Variants in DNAH9 observed in about 807,000 individuals in gnomAD.
DNAH9 encodes DNAH9 variant protein.
A neutral mutation model predicts 471.6 loss-of-function variants in DNAH9; 345 were observed. That is an observed-to-expected ratio of 0.73 (90% confidence interval 0.67 to 0.80). DNAH9 has a LOEUF of 0.80. Ranked by LOEUF, DNAH9 falls within the 30% of genes least tolerant of loss-of-function variation. The probability of loss-of-function intolerance (pLI) is 0.00; values close to 1 mark genes in which losing one functional copy is unlikely to be tolerated. For synonymous variants in DNAH9, 2,093 were observed against 2,123.6 expected (o/e 0.99, Z 0.40); for missense variants, 5,407 against 5,609.2 (o/e 0.96, Z 1.15).
intron 48 of DNAH9, among the ~76,000 whole-genome samples, chr17:11,828,814 C>A (rs1357435858): frequency 6.6e-6 from 1 of 152,186 alleles, no homozygotes; most frequent in East Asian, 1.9e-4. Flanking sequence ...GTTATGCATT[C>A]CCTTCTCTCT....
chr17:11,699,657 A>C, intron 22 of DNAH9, 74 bp from the exon 23 acceptor site: 5 of 1,310,762 alleles, frequency 3.8e-6, no homozygotes, highest in Non-Finnish European at 5.5e-6. Flanking sequence ...GCCACATGGT[A>C]GGCCTCTAAA....
intron 18 of DNAH9, among the ~76,000 whole-genome samples, chr17:11,680,426 T>C (rs956488186): frequency 2.0e-5 from 3 of 152,080 alleles, no homozygotes; most frequent in Admixed American, 1.3e-4. Context: ...TTAAGAAAAA[T>C]CTAAAAGTCT....
chr17:11,962,361 C>A lies in DNAH9; in HGVS notation c.13233+105C>A. The stretch of plus-strand genomic sequence containing the variant: ...AAAAGAGATATTCCTGAATCTTTTT[C>A]TCTAGCTAACCTTCTTTCCTTGAGG... On this transcript the variant is annotated intron_variant, in intron 68 of 68. Coordinates refer to ENST00000262442, the MANE Select transcript of DNAH9 (RefSeq NM_001372.4). The surrounding 1 kb of genome is among the most constrained non-coding windows in gnomAD (Gnocchi z 4.1). The A allele has an allele frequency of 6.9e-7, 1 of 1,448,364 alleles. No individual in the cohort carries two copies. The allele number at this position is 1,448,364 out of a possible 1,614,324, so 89.7% of individuals were successfully genotyped here. A position where few individuals can be genotyped will look rare whatever the true frequency, so the allele number is the denominator to read the frequency against.
At position 11,661,338 on chromosome 17, in the gene DNAH9, T is replaced by G. The variant is rs77073702; in HGVS notation, c.2596-3495T>G. Among the ~76,000 whole-genome samples the G allele has an allele frequency of 1.1e-4, 17 of 152,240 alleles. No homozygotes were observed. In the East Asian group the frequency reaches 3.1e-3, roughly 28 times the overall value. On this transcript the variant is annotated intron_variant, in intron 14 of 68. Transcript: ENST00000262442. The stretch of plus-strand genomic sequence containing the variant: ...CTTGGATTGAAATTTCTTGTCTTAA[T>G]AGTCGGCATATAATACAAATTTATT...
intron 19 of DNAH9, among the ~76,000 whole-genome samples, chr17:11,685,245 CA>C (rs1454155356): frequency 1.3e-5 from 2 of 151,826 alleles, no homozygotes; most frequent in Non-Finnish European, 1.5e-5. Context: ...AGAGCTGTTT[CA>C]GGGGGAAAAA....
Position 11,881,418 on chromosome 17 carries a change from G to A in DNAH9, c.10806+5G>A. 1 of 1,606,326 alleles carries A rather than the reference G, an allele frequency of 6.2e-7. No homozygotes were observed. On this transcript the variant is annotated splice_donor_5th_base_variant and intron_variant, in intron 55 of 68. Transcript: ENST00000262442. ...CCAGACTTGGAGCAGCTGAAGGTGA[G>A]GACAGAAGGGAGAAAATGTTCTGCC...
intron 67 of DNAH9, among the ~76,000 whole-genome samples, chr17:11,945,548 A>G (rs1343301622): frequency 1.3e-5 from 2 of 151,902 alleles, no homozygotes; most frequent in African/African-American, 4.8e-5. Flanking sequence ...AAAAAAAAAA[A>G]AAAAATCACT....
intron 33 of DNAH9, among the ~76,000 whole-genome samples, chr17:11,754,780 G>A (rs1183585694): frequency 6.6e-6 from 1 of 152,052 alleles, no homozygotes; most frequent in Non-Finnish European, 1.5e-5. Flanking sequence ...TCTTTAGGTT[G>A]TCTGTTCACT....
chr17:11,861,399 C>T (rs1242705520), intron 50 of DNAH9, among the ~76,000 whole-genome samples: 3 of 151,372 alleles, frequency 2.0e-5, no homozygotes, highest in African/African-American at 7.3e-5. Flanking sequence ...GTATATGTGC[C>T]ACATTTTCTT....
chr17:11,890,681 G>T (rs776183705), intron 57 of DNAH9, among the ~76,000 whole-genome samples: 1 of 151,868 alleles, frequency 6.6e-6, no homozygotes, highest in African/African-American at 2.4e-5. Context: ...TGTTGTTTTT[G>T]TTGTTGTTGT....
intron 39 of DNAH9, among the ~76,000 whole-genome samples, chr17:11,781,721 A>G (rs1968672219): frequency 6.6e-6 from 1 of 151,634 alleles, no homozygotes; most frequent in South Asian, 2.1e-4. Context: ...AGTCCCAGCT[A>G]CTCGGGAGGC....
rs956962877 is a variant in DNAH9, at chr17:11,644,794, C to T, written c.1970+95C>T. On this transcript the variant is annotated intron_variant, in intron 11 of 68. Coordinates refer to ENST00000262442, the MANE Select transcript of DNAH9 (RefSeq NM_001372.4). Reference sequence around the variant, plus strand: ...GTTTGTGCAGATTCCTCAGTGGCTCCGAAGTATCACTCTATGTTTTATGTT... The same window carrying T: ...GTTTGTGCAGATTCCTCAGTGGCTCTGAAGTATCACTCTATGTTTTATGTT... The T allele has an allele frequency of 7.4e-5, 61 of 825,340 alleles. No homozygotes were observed. The African/African-American group carries it at 8.5e-4, about 11-fold the overall frequency. The allele number at this position is 825,340 out of a possible 1,614,324, so 51.1% of individuals were successfully genotyped here.
chr17:11,825,359 AC>A (rs1358184537), intron 48 of DNAH9, among the ~76,000 whole-genome samples: 1 of 151,896 alleles, frequency 6.6e-6, no homozygotes, highest in East Asian at 1.9e-4. Context: ...AACATTTTCC[AC>A]CAGCCCTGTT....
chr17:11,617,967 T>C (rs1474700117), intron 5 of DNAH9, among the ~76,000 whole-genome samples: 1 of 152,136 alleles, frequency 6.6e-6, no homozygotes, highest in Non-Finnish European at 1.5e-5. Context: ...TGATGTCAGG[T>C]AGAGTCAGGC....
intron 38 of DNAH9, among the ~76,000 whole-genome samples, chr17:11,775,271 T>G (rs1968374358): frequency 6.6e-6 from 1 of 152,122 alleles, no homozygotes; most frequent in Non-Finnish European, 1.5e-5. Flanking sequence ...CAGCATACAA[T>G]AAGTGCTTTG....
chr17:11,880,243 T>C, intron 54 of DNAH9, 43 bp downstream of exon 54: 1 of 1,606,248 alleles, frequency 6.2e-7, no homozygotes, highest in Non-Finnish European at 8.5e-7. Context: ...GGGAGCTGGT[T>C]CATGGCCCTG....
chr17:11,738,260 T>G (rs1448263003), intron 28 of DNAH9, among the ~76,000 whole-genome samples: 1 of 152,198 alleles, frequency 6.6e-6, no homozygotes, highest in Non-Finnish European at 1.5e-5. Flanking sequence ...TGGTCAGCCC[T>G]AATACACTTC....
At chr17:11,761,276 C>T (rs1201299617) in intron 35 of DNAH9, among the ~76,000 whole-genome samples, 1 of 152,210 alleles carries the variant, frequency 6.6e-6, no homozygotes, top group African/African-American at 2.4e-5. Context: ...CCACCTGCCT[C>T]AGCTCAGGAC....
intron 19 of DNAH9, among the ~76,000 whole-genome samples, chr17:11,687,167 T>C (rs944432778): frequency 6.6e-6 from 1 of 152,186 alleles, no homozygotes; most frequent in Non-Finnish European, 1.5e-5. Flanking sequence ...CACTCTGACC[T>C]TCTGTTCTGA....
Sources: gnomAD v4.1 joint callset for allele counts (sites outside exome capture counted in the v4.1 genomes callset) on GRCh38, gnomAD v4.1.1 for gene constraint, Gnocchi (gnomAD v3.1) non-coding constraint, MANE v1.5 for transcripts, NCBI Gene and HGNC (gene_info 2026-07-23, HGNC 2026-07-21) for gene names.